The following P2RX7 variants were observed in gnomAD, a reference collection of about 807,000 sequenced individuals.
The protein encoded by P2RX7 is purinergic receptor P2X 7.
Under a neutral mutation model 71.6 loss-of-function variants are expected in P2RX7, and 62 were observed. That is an observed-to-expected ratio of 0.87 (90% CI 0.71 to 1.07). P2RX7 has a LOEUF of 1.07. Among genes scored for constraint, P2RX7 ranks in the 50% least tolerant of loss-of-function variants. The probability of loss-of-function intolerance (pLI) is 0.00; values close to 1 mark genes in which losing one functional copy is unlikely to be tolerated. For missense variants in P2RX7, 686 were observed against 748.5 expected (o/e 0.92, Z 0.97); for synonymous variants, 299 against 283.3 (o/e 1.06, Z -0.56).
rs777204985 is a variant in P2RX7, at chr12:121,166,052, G to T, written c.615-6G>T. 2 of 1,611,212 alleles carry T rather than the reference G, an allele frequency of 1.2e-6. No individual in the cohort carries two copies. Among genetic ancestry groups the T allele is most frequent in the South Asian group, 2.2e-5 (2 of 90,882 alleles). On this transcript the variant is annotated splice_region_variant and splice_polypyrimidine_tract_variant and intron_variant, in intron 6 of 12. Coordinates refer to ENST00000328963, the MANE Select transcript of P2RX7 (RefSeq NM_002562.6). ...TGTTTGTTTGTTTGCTTTTAATTAT[G>T]CACAGGAGAAACATCCTGCCAGGTT... is the stretch of plus-strand genomic sequence containing the variant.
intron 1 of P2RX7, among the ~76,000 whole-genome samples, chr12:121,140,396 AAG>A: frequency 6.6e-6 from 1 of 152,296 alleles, no homozygotes; most frequent in Non-Finnish European, 1.5e-5. Context: ...ATGTTTCTAG[AAG>A]CCTTATGGGC....
At position 121,147,366 on chromosome 12, in the gene P2RX7, A is replaced by G. The variant is rs183009854; in HGVS notation, c.126-7419A>G. ...TTGGTGGGGGAGAGTAAGGATTGCA[A>G]GAGTTAATATATGTTAGCAAAATGG... On this transcript the variant is annotated intron_variant, in intron 1 of 12. Coordinates refer to ENST00000328963, the MANE Select transcript of P2RX7 (RefSeq NM_002562.6). 4.7e-4 allele frequency among the ~76,000 whole-genome samples: 72 copies of G among 152,274 alleles called. 1 individual carries two copies. Among genetic ancestry groups the G allele is most frequent in the African/African-American group, 1.7e-3 (69 of 41,560 alleles).
rs977950799 is a variant in P2RX7 at position 121,186,431 on chromosome 12, A to G, written c.*1629A>G. 6.6e-6 allele frequency: 1 copy of G among 152,270 alleles called. No homozygotes were observed. Among genetic ancestry groups the G allele is most frequent in the Non-Finnish European group, 1.5e-5 (1 of 68,102 alleles). 9.4% of individuals were successfully genotyped at this position (152,270 alleles called of 1,614,324 possible). A position where few individuals can be genotyped will look rare whatever the true frequency, so the allele number is the denominator to read the frequency against. ...CTAATGTTCTCAGGGAGCCCGGACC[A>G]ACCCTGGGAGCCTCAGGAACTTAGG... On this transcript the variant is annotated 3_prime_UTR_variant, in exon 13 of 13. Transcript: ENST00000328963.
intron 1 of P2RX7, among the ~76,000 whole-genome samples, chr12:121,139,199 G>T (rs1021744184): frequency 6.6e-6 from 1 of 152,158 alleles, no homozygotes; most frequent in African/African-American, 2.4e-5. Context: ...GCCTCGGCCT[G>T]TCAAAGTGCT....
rs1201830509 is a variant in P2RX7 at position 121,167,078 on chromosome 12, G to A, written c.745-410G>A. 2.0e-5 allele frequency among the ~76,000 whole-genome samples: 3 copies of A among 151,278 alleles called. No individual in the cohort carries two copies. In the East Asian group the frequency reaches 5.8e-4, roughly 29 times the overall value. Reference sequence around the variant, plus strand: ...AAAAAAAAAAAAAAAAATCCTTCATGTATTCGCATCTGCAAAGAGCTTTCC... The same window carrying A: ...AAAAAAAAAAAAAAAAATCCTTCATATATTCGCATCTGCAAAGAGCTTTCC... On this transcript the variant is annotated intron_variant, in intron 7 of 12. Transcript: ENST00000328963.
chr12:121,174,295 G>T (rs71454682), intron 8 of P2RX7, among the ~76,000 whole-genome samples: 2 of 151,800 alleles, frequency 1.3e-5, no homozygotes, highest in Admixed American at 1.3e-4. Context: ...TGATCCACCC[G>T]CCTCGGCCTC....
intron 7 of P2RX7, among the ~76,000 whole-genome samples, chr12:121,166,789 C>T (rs1267243496): frequency 2.0e-5 from 3 of 151,972 alleles, no homozygotes; most frequent in Non-Finnish European, 2.9e-5. Flanking sequence ...TGCCTGTAAT[C>T]CCAGCACTTT....
intron 1 of P2RX7, among the ~76,000 whole-genome samples, chr12:121,139,963 C>T (rs908943630): frequency 1.3e-5 from 2 of 152,134 alleles, no homozygotes; most frequent in Non-Finnish European, 2.9e-5. Context: ...AACTCCTGGC[C>T]TCAAGCGATC....
At chr12:121,151,804 C>T (rs1049123086) in intron 1 of P2RX7, among the ~76,000 whole-genome samples, 1 of 152,046 alleles carries the variant, frequency 6.6e-6, no homozygotes. Context: ...CTGTCCCCTG[C>T]AACGACCAAT....
Position 121,177,282 on chromosome 12 carries a change from C to A in P2RX7, c.1039-15C>A. ...AGGAAGTGACTAACGCAGCGCTTGT[C>A]TGCATTCTCCCCAGGCCGCTGTGTT... On this transcript the variant is annotated splice_polypyrimidine_tract_variant and intron_variant, in intron 10 of 12. Coordinates refer to ENST00000328963, the MANE Select transcript of P2RX7 (RefSeq NM_002562.6). The A allele has an allele frequency of 2.5e-6, 4 of 1,614,166 alleles. No individual in the cohort carries two copies. Among genetic ancestry groups the A allele is most frequent in the Non-Finnish European group, 3.4e-6 (4 of 1,180,046 alleles).
intron 1 of P2RX7, among the ~76,000 whole-genome samples, chr12:121,138,029 G>T (rs1269103012): frequency 1.3e-5 from 2 of 152,230 alleles, no homozygotes; most frequent in Middle Eastern, 3.2e-3. Flanking sequence ...AGCTACAAGA[G>T]GAGTTTGTGT....
intron 1 of P2RX7, among the ~76,000 whole-genome samples, chr12:121,144,356 C>A (rs749323930): frequency 2.6e-5 from 4 of 152,118 alleles, no homozygotes; most frequent in Non-Finnish European, 4.4e-5. Flanking sequence ...CACCAACACA[C>A]CTGGCTAATT....
chr12:121,162,369 G>A (rs186051780), intron 4 of P2RX7, 55 bp from the exon 5 acceptor site: 17 of 1,603,872 alleles, frequency 1.1e-5, no homozygotes, highest in East Asian at 2.2e-5. Context: ...CCTGGAGAAC[G>A]TCCTCTCCGC....
At position 121,184,834 on chromosome 12, in the gene P2RX7, C is replaced by A; in HGVS notation, c.*32C>A. 1 of 1,495,238 alleles carries A rather than the reference C, an allele frequency of 6.7e-7. No individual in the cohort carries two copies. The highest frequency in any genetic ancestry group is 1.3e-5 in the South Asian group (1 of 77,812). The allele number at this position is 1,495,238 out of a possible 1,614,324, so 92.6% of individuals were successfully genotyped here. ...GCACCGTGGCTCACGTCTGTAATCC[C>A]AGCGCTTTGGGAGGCCGAGGCAGGC... On this transcript the variant is annotated 3_prime_UTR_variant, in exon 13 of 13. Transcript: ENST00000328963.
intron 1 of P2RX7, among the ~76,000 whole-genome samples, chr12:121,145,372 A>G (rs1875913449): frequency 6.6e-6 from 1 of 152,182 alleles, no homozygotes; most frequent in Admixed American, 6.5e-5. Flanking sequence ...TTTAGTGACA[A>G]CGACATTGTT....
rs2136040372 is a variant in P2RX7 at position 121,154,140 on chromosome 12, A to C, written c.126-645A>C. Among the ~76,000 whole-genome samples the C allele has an allele frequency of 6.6e-6, 1 of 150,846 alleles. No individual in the cohort carries two copies. The highest frequency in any genetic ancestry group is 2.1e-4 in the South Asian group (1 of 4,728). ...CCTTTCTCTGGAATAAAAAAAAAAG[A>C]GAGGCTGGGCGCAGTGGCTCACACC... On this transcript the variant is annotated intron_variant, in intron 1 of 12. Coordinates refer to ENST00000328963, the MANE Select transcript of P2RX7 (RefSeq NM_002562.6). This position sits in a 1 kb window ranked among gnomAD's most constrained non-coding sequence, Gnocchi z 4.2.
In P2RX7 at chr12:121,177,207, G is replaced by A. The variant is rs753660631; in HGVS notation, c.1033G>A (p.Gly345Ser). ...VYIGSTLSYF[G>S]LAAVFIDFLI... ...CATCGGCTCAACCCTCTCCTACTTC[G>A]GTCTGGTAAGAGATTCTCTTTTCCA... Residue 345 changes from glycine to serine, a missense_variant, in exon 10 of 13, where the codon GGT becomes AGT. Coordinates refer to ENST00000328963, the MANE Select transcript of P2RX7 (RefSeq NM_002562.6). The A allele has an allele frequency of 1.1e-5, 18 of 1,614,068 alleles. No individual in the cohort carries two copies. The highest frequency in any genetic ancestry group is 3.3e-5 in the South Asian group (3 of 91,072).
At chr12:121,150,348 G>A (rs952374879) in intron 1 of P2RX7, among the ~76,000 whole-genome samples, 1 of 152,220 alleles carries the variant, frequency 6.6e-6, no homozygotes, top group African/African-American at 2.4e-5. Context: ...TGCACATTCT[G>A]GGATAAATAT....
At chr12:121,151,807 C>T (rs1232571483) in intron 1 of P2RX7, among the ~76,000 whole-genome samples, 1 of 152,032 alleles carries the variant, frequency 6.6e-6, no homozygotes, top group African/African-American at 2.4e-5. Flanking sequence ...TCCCCTGCAA[C>T]GACCAATCTA....
Sources: gnomAD v4.1 joint callset for allele counts (sites outside exome capture counted in the v4.1 genomes callset) on GRCh38, gnomAD v4.1.1 for gene constraint, Gnocchi (gnomAD v3.1) non-coding constraint, MANE v1.5 for transcripts, NCBI Gene and HGNC (gene_info 2026-07-23, HGNC 2026-07-21) for gene names.